FBXL20: variants seen among roughly 807,000 people sequenced by gnomAD.
FBXL20 encodes F-box and leucine rich repeat protein 20.
FBXL20 carries 11 observed loss-of-function variants against 64.0 expected under a neutral mutation model. That is an observed-to-expected ratio of 0.17 (90% CI 0.11 to 0.28). FBXL20 has a LOEUF of 0.28. Ranked by LOEUF, FBXL20 falls within the 10% of genes least tolerant of loss-of-function variation. The probability of loss-of-function intolerance (pLI) is 1.00; values close to 1 mark genes in which losing one functional copy is unlikely to be tolerated. For missense variants in FBXL20, 303 were observed against 526.2 expected (o/e 0.58, Z 4.15); for synonymous variants, 184 against 189.0 (o/e 0.97, Z 0.22).
intron 1 of FBXL20, among the ~76,000 whole-genome samples, chr17:39,348,066 C>T (rs1304705427): frequency 4.7e-5 from 7 of 148,402 alleles, no homozygotes; most frequent in East Asian, 1.9e-4. Flanking sequence ...ACATTTCTCT[C>T]TAAACAAGGT....
intron 14 of FBXL20, among the ~76,000 whole-genome samples, chr17:39,261,811 G>C (rs71369735): frequency 2.0e-5 from 3 of 151,978 alleles, no homozygotes; most frequent in African/African-American, 7.2e-5. Flanking sequence ...GGCCGGGCGC[G>C]GTGGCTCACG....
chr17:39,277,264 T>C (rs600010), intron 9 of FBXL20, among the ~76,000 whole-genome samples: 92,486 of 152,112 alleles, frequency 0.61, 31,780 homozygotes, highest in South Asian at 0.89. Flanking sequence ...CACACAAACA[T>C]GATGTATTGT....
Position 39,390,174 on chromosome 17 carries a change from A to C in FBXL20, c.42+11187T>G, listed in dbSNP as rs149674844. ...CTGATTAGGCTGGGTGCAGTGGCTC[A>C]TACCTGTAATCCCAGCACTTTGGGA... On this transcript the variant is annotated intron_variant, in intron 1 of 14. Transcript: ENST00000264658. Among the ~76,000 whole-genome samples the C allele has an allele frequency of 6.6e-3, 1,001 of 152,296 alleles. 12 individuals are homozygous for C. Among genetic ancestry groups the C allele is most frequent in the African/African-American group, 0.023 (949 of 41,572 alleles).
At chr17:39,347,628 C>A (rs2047647070) in intron 1 of FBXL20, among the ~76,000 whole-genome samples, 1 of 152,068 alleles carries the variant, frequency 6.6e-6, no homozygotes, top group Non-Finnish European at 1.5e-5. Context: ...AATTTTCTCC[C>A]ATTCTGTAGG....
intron 2 of FBXL20, among the ~76,000 whole-genome samples, chr17:39,342,413 GAA>G (rs1197727617): frequency 3.4e-5 from 4 of 115,956 alleles, no homozygotes; most frequent in Non-Finnish European, 1.8e-5. Flanking sequence ...ACATAAAATT[GAA>G]AAAAAAAAAA....
At chr17:39,336,759 G>C (rs2047525584) in intron 2 of FBXL20, among the ~76,000 whole-genome samples, 2 of 151,658 alleles carry the variant, frequency 1.3e-5, no homozygotes, top group Admixed American at 6.6e-5. Flanking sequence ...GGGAGGCAGA[G>C]GTTGCAGTGA....
intron 1 of FBXL20, among the ~76,000 whole-genome samples, chr17:39,387,854 A>T (rs1567906773): frequency 6.6e-6 from 1 of 152,168 alleles, no homozygotes; most frequent in Admixed American, 6.6e-5. Context: ...CTGGGGTTAC[A>T]GGCGTGAGTG....
At chr17:39,400,806 C>G (rs2048233917) in intron 1 of FBXL20, among the ~76,000 whole-genome samples, 1 of 152,322 alleles carries the variant, frequency 6.6e-6, no homozygotes, top group Admixed American at 6.5e-5. Context: ...ACAGACTAAA[C>G]GGGAAAGCAG....
At chr17:39,318,426 C>T (rs1004819250) in intron 2 of FBXL20, among the ~76,000 whole-genome samples, 1 of 152,062 alleles carries the variant, frequency 6.6e-6, no homozygotes, top group Non-Finnish European at 1.5e-5. Context: ...TTTTCTGTTA[C>T]GAACATTTTA....
chr17:39,311,810 G>C (rs1335646459), intron 2 of FBXL20, among the ~76,000 whole-genome samples: 2 of 152,152 alleles, frequency 1.3e-5, no homozygotes, highest in Admixed American at 6.6e-5. Flanking sequence ...GGGGTGGCAG[G>C]AGTCACAGGT....
At chr17:39,266,055 C>G (rs2046788529) in intron 12 of FBXL20, among the ~76,000 whole-genome samples, 1 of 141,804 alleles carries the variant, frequency 7.1e-6, no homozygotes, top group Non-Finnish European at 1.5e-5. Context: ...AGCCCCATAC[C>G]TCATTCATTC....
intron 2 of FBXL20, among the ~76,000 whole-genome samples, chr17:39,341,206 T>C (rs991510525): frequency 6.6e-6 from 1 of 152,166 alleles, no homozygotes; most frequent in Non-Finnish European, 1.5e-5. Context: ...AGGACTTGTT[T>C]CCAACATTAA....
chr17:39,289,610 C>A (rs184854510), intron 6 of FBXL20, among the ~76,000 whole-genome samples: 3 of 151,974 alleles, frequency 2.0e-5, no homozygotes, highest in African/African-American at 4.8e-5. Context: ...TGTGCCACCA[C>A]TGCATTCCAG....
intron 1 of FBXL20, among the ~76,000 whole-genome samples, chr17:39,359,113 G>A (rs1051384429): frequency 6.6e-5 from 10 of 152,174 alleles, no homozygotes; most frequent in African/African-American, 1.9e-4. Context: ...CTGCTGAGGC[G>A]GGCTGATCGC....
chr17:39,323,026 G>A (rs545279164), intron 2 of FBXL20, among the ~76,000 whole-genome samples: 1 of 150,332 alleles, frequency 6.7e-6, no homozygotes, highest in East Asian at 2.0e-4. Flanking sequence ...CTGGAGTGCA[G>A]TGGCACAATC....
Position 39,265,468 on chromosome 17 carries a change from G to A in FBXL20, c.934-15C>T, listed in dbSNP as rs748466472. On this transcript the variant is annotated splice_polypyrimidine_tract_variant and intron_variant, in intron 12 of 14. Transcript: ENST00000264658. ...CTATCTGTTATCTGAAAGAAATAAC[G>A]TATGTTGATTTTAGGTATAATCCAA... The A allele has an allele frequency of 3.8e-6, 6 of 1,580,326 alleles. No homozygotes were observed. Among genetic ancestry groups the A allele is most frequent in the South Asian group, 2.2e-5 (2 of 90,288 alleles).
intron 2 of FBXL20, among the ~76,000 whole-genome samples, chr17:39,305,200 G>T (rs2047171119): frequency 6.6e-6 from 1 of 152,072 alleles, no homozygotes; most frequent in Non-Finnish European, 1.5e-5. Flanking sequence ...AAAAAAGTTA[G>T]ATCTCTACAT....
chr17:39,291,431 C>CT (rs907454529), intron 6 of FBXL20, among the ~76,000 whole-genome samples: 2,521 of 110,508 alleles, frequency 0.023, 113 homozygotes, highest in African/African-American at 0.06. Context: ...TAAAACTTTT[C>CT]TTTTTTTTTT....
intron 7 of FBXL20, among the ~76,000 whole-genome samples, chr17:39,283,545 C>T (rs1567863096): frequency 6.6e-6 from 1 of 152,182 alleles, no homozygotes; most frequent in East Asian, 1.9e-4. Flanking sequence ...AACTGATCCT[C>T]CCGCCTCAGT....
Sources: gnomAD v4.1 joint callset for allele counts (sites outside exome capture counted in the v4.1 genomes callset) on GRCh38, gnomAD v4.1.1 for gene constraint, MANE v1.5 for transcripts, NCBI Gene and HGNC (gene_info 2026-07-23, HGNC 2026-07-21) for gene names.